The following CLDN14 variants were observed in gnomAD, a reference collection of about 807,000 sequenced individuals.
The protein encoded by CLDN14 is claudin-14.
Under a neutral mutation model 2.1 loss-of-function variants are expected in CLDN14, and 2 were observed. The ratio of observed to expected loss-of-function variants is 0.96; its 90% CI spans 0.39 to 3.01. The LOEUF is 3.01. Ranked by LOEUF, CLDN14 falls within the 30% of genes most tolerant of loss-of-function variation. The pLI is 0.09. For synonymous variants in CLDN14, 136 were observed against 154.4 expected, an observed-to-expected ratio of 0.88 and a Z score of 0.88; for missense variants, 298 against 328.0, an observed-to-expected ratio of 0.91 and a Z score of 0.71.
chr21:36,513,461 T>C (rs2087200947), intron 1 of CLDN14, among the ~76,000 whole-genome samples: 1 of 152,234 alleles, frequency 6.6e-6, no homozygotes, highest in Non-Finnish European at 1.5e-5. Context: ...GGAGCTGTCC[T>C]AGCTCAGGAC....
At chr21:36,558,200 T>C (rs1286726768) in intron 1 of CLDN14, among the ~76,000 whole-genome samples, 1 of 152,226 alleles carries the variant, frequency 6.6e-6, no homozygotes. Context: ...GATTGTAATA[T>C]ATTTTTAAAT....
At chr21:36,541,767 A>G (rs1403076821) in intron 1 of CLDN14, among the ~76,000 whole-genome samples, 1 of 152,210 alleles carries the variant, frequency 6.6e-6, no homozygotes, top group Non-Finnish European at 1.5e-5. Flanking sequence ...ACAGGTCTGT[A>G]GCAAGGGAAT....
At chr21:36,514,624 TG>T in intron 1 of CLDN14, among the ~76,000 whole-genome samples, 4 of 9,116 alleles carry the variant, frequency 4.4e-4, no homozygotes, top group East Asian at 2.7e-3. Flanking sequence ...TGAGAGAAAG[TG>T]TGTGTGTGTG....
chr21:36,474,957 C>T (rs1332604786), intron 1 of CLDN14, among the ~76,000 whole-genome samples: 2 of 152,254 alleles, frequency 1.3e-5, no homozygotes, highest in South Asian at 2.1e-4. Flanking sequence ...TAAGAAGCAA[C>T]ATGATGTCTT....
intron 1 of CLDN14, among the ~76,000 whole-genome samples, chr21:36,462,646 A>G (rs219775): frequency 0.3 from 46,064 of 151,934 alleles, 8,310 homozygotes; most frequent in African/African-American, 0.5. Context: ...GAAGACACTA[A>G]GGGCCAGGCA....
rs138331875 is a variant in CLDN14 at position 36,538,798 on chromosome 21, A to G, written c.-219-28298T>C. ...GTTGGAGTGGCCGATTGCTGCAGGTATGACATCTGGCCAGTACCAAGTCTT... is the reference window on the plus strand; with the variant it reads ...GTTGGAGTGGCCGATTGCTGCAGGTGTGACATCTGGCCAGTACCAAGTCTT... On this transcript the variant is annotated intron_variant, in intron 1 of 2. Transcript: ENST00000342108. Among the ~76,000 whole-genome samples, 83 of 152,252 alleles carry G rather than the reference A, an allele frequency of 5.5e-4. 2 individuals carry two copies. Among genetic ancestry groups the G allele is most frequent in the Admixed American group, 2.8e-3 (43 of 15,298 alleles).
At chr21:36,508,889 A>G (rs554222464) in intron 2 of CLDN14, among the ~76,000 whole-genome samples, 4 of 152,136 alleles carry the variant, frequency 2.6e-5, no homozygotes, top group Non-Finnish European at 5.9e-5. Context: ...GTGGGTTGGT[A>G]GGCGTCCTTA....
intron 1 of CLDN14, among the ~76,000 whole-genome samples, chr21:36,547,320 A>G (rs756784850): frequency 1.3e-5 from 2 of 152,178 alleles, no homozygotes; most frequent in Non-Finnish European, 2.9e-5. Flanking sequence ...TGTGTCTTTT[A>G]TATTTTATAA....
intron 1 of CLDN14, among the ~76,000 whole-genome samples, chr21:36,536,094 C>T (rs888069180): frequency 5.3e-5 from 8 of 152,264 alleles, no homozygotes; most frequent in African/African-American, 1.9e-4. Flanking sequence ...GCAAGTTCAG[C>T]TGCAGCCCAG....
At chr21:36,463,398 A>G (rs1478714051) in intron 1 of CLDN14, among the ~76,000 whole-genome samples, 3 of 152,232 alleles carry the variant, frequency 2.0e-5, no homozygotes, top group Non-Finnish European at 2.9e-5. Flanking sequence ...GGTGTTGCCC[A>G]TGAGACCCTG....
In CLDN14 at chr21:36,461,099, C is replaced by G; in HGVS notation, c.597G>C (p.Arg199Ser). ...CGGTGTTTGCAGTGGTCGTGGTGGC[C>G]CTGGGCGGGGCCTGGTAGGGCCTGT... ...APYRPYQAPP[R>S]ATTTTANTAP... Residue 199 changes from arginine (R) to serine (S), a missense_variant, in exon 2 of 2, where the codon AGG (arginine) becomes AGC (serine). Arg to Ser is a moderately radical substitution (Grantham distance 110). Coordinates refer to ENST00000399135, the MANE Select transcript of CLDN14 (RefSeq NM_001146079.2). 1 of 1,614,108 alleles carries G rather than the reference C, an allele frequency of 6.2e-7. No homozygotes were observed. Among genetic ancestry groups the G allele is most frequent in the Non-Finnish European group, 8.5e-7 (1 of 1,179,988 alleles).
chr21:36,540,380 A>C (rs879896838), intron 1 of CLDN14, among the ~76,000 whole-genome samples: 3 of 152,184 alleles, frequency 2.0e-5, no homozygotes, highest in Non-Finnish European at 4.4e-5. Flanking sequence ...TTGTGTTATT[A>C]ATTTTTCCAA....
At position 36,488,634 on chromosome 21, in the gene CLDN14, G is replaced by A. The variant is rs1018322726; in HGVS notation, c.-82+21729C>T. ...TAATAGAGACAGAAGGTAGAATTGC[G>A]GGTGCCAGGGGCTGAGGGCGGGGGG... On this transcript the variant is annotated intron_variant, in intron 2 of 2. Coordinates refer to the CLDN14 transcript ENST00000342108. 3.3e-5 allele frequency among the ~76,000 whole-genome samples: 5 copies of A among 150,696 alleles called. No individual in the cohort carries two copies. The East Asian group carries it at 5.9e-4, about 18-fold the overall frequency.
chr21:36,515,999 G>C (rs1172307864), intron 1 of CLDN14, among the ~76,000 whole-genome samples: 2 of 151,848 alleles, frequency 1.3e-5, no homozygotes, highest in Non-Finnish European at 2.9e-5. Context: ...TGTTGGCCAG[G>C]CTGGTCTCGA....
rs1265175641 is a variant in CLDN14, at chr21:36,544,223, C to T, written c.-220+32188G>A. Among the ~76,000 whole-genome samples, 1 of 152,216 alleles carries T rather than the reference C, an allele frequency of 6.6e-6. No individual in the cohort carries two copies. The highest frequency in any genetic ancestry group is 1.5e-5 in the Non-Finnish European group (1 of 68,044). On this transcript the variant is annotated intron_variant, in intron 1 of 2. Transcript: ENST00000342108. The surrounding 1 kb of genome is among the most constrained non-coding windows in gnomAD (Gnocchi z 4.1). ...ACCTTGGGCAGGTCCTTGCCCTGGG[C>T]CCCCTCTGCTGCCATCCATCCCTCT...
intron 2 of CLDN14, chr21:36,486,117 A>G (rs1377104960): frequency 7.5e-7 from 1 of 1,333,930 alleles, no homozygotes; most frequent in Admixed American, 1.7e-5. Context: ...CTCTGAAGGA[A>G]CTCAGGATCC....
At chr21:36,493,614 A>G (rs1476661496) in intron 2 of CLDN14, among the ~76,000 whole-genome samples, 1 of 152,030 alleles carries the variant, frequency 6.6e-6, no homozygotes, top group Non-Finnish European at 1.5e-5. Context: ...CACGAGGAGG[A>G]GGAGGGAAGG....
chr21:36,533,141 G>A (rs1461738259), intron 1 of CLDN14, among the ~76,000 whole-genome samples: 6 of 152,136 alleles, frequency 3.9e-5, no homozygotes, highest in Non-Finnish European at 7.3e-5. Context: ...GGGGCCGGTC[G>A]GTAATGGAGC....
intron 1 of CLDN14, among the ~76,000 whole-genome samples, chr21:36,540,709 G>A (rs1326881158): frequency 6.6e-6 from 1 of 152,190 alleles, no homozygotes; most frequent in African/African-American, 2.4e-5. Context: ...GTACCTAAGA[G>A]TGGTGAATTC....
Sources: gnomAD v4.1 joint callset for allele counts (sites outside exome capture counted in the v4.1 genomes callset) on GRCh38, gnomAD v4.1.1 for gene constraint, Gnocchi (gnomAD v3.1) non-coding constraint, MANE v1.5 for transcripts, NCBI Gene and HGNC (gene_info 2026-07-23, HGNC 2026-07-21) for gene names.